DPYD: variants seen among roughly 807,000 people sequenced by gnomAD.
DPYD encodes the protein dihydropyrimidine dehydrogenase.
DPYD carries 109 observed loss-of-function variants against 116.2 expected under a neutral mutation model. That is an observed-to-expected ratio of 0.94 (90% CI 0.80 to 1.10). The LOEUF (loss-of-function observed/expected upper bound fraction) is 1.10, where lower values mean the gene tolerates loss of function less well. Among genes scored for constraint, DPYD ranks in the 50% least tolerant of loss-of-function variants. The pLI is 0.00. For missense variants in DPYD, 1,302 were observed against 1,254.5 expected (o/e 1.04, Z -0.57); for synonymous variants, 440 against 432.0 (o/e 1.02, Z -0.23).
chr1:97,249,696 T>A (rs566666220), intron 18 of DPYD, among the ~76,000 whole-genome samples: 4 of 152,180 alleles, frequency 2.6e-5, no homozygotes, highest in African/African-American at 9.6e-5. Flanking sequence ...ACACATATAT[T>A]TTAAAACGAA....
chr1:97,468,167 C>A (rs1214062237), intron 13 of DPYD, among the ~76,000 whole-genome samples: 1 of 152,170 alleles, frequency 6.6e-6, no homozygotes, highest in Non-Finnish European at 1.5e-5. Flanking sequence ...AATTTGACTT[C>A]CATATGTATA....
At chr1:97,611,890 C>T (rs1655974411) in intron 8 of DPYD, among the ~76,000 whole-genome samples, 3 of 152,092 alleles carry the variant, frequency 2.0e-5, no homozygotes, top group South Asian at 2.1e-4. Context: ...TGTAGTAAAA[C>T]GTATTCTGAT....
At chr1:97,467,005 A>G (rs945717572) in intron 13 of DPYD, among the ~76,000 whole-genome samples, 1 of 152,190 alleles carries the variant, frequency 6.6e-6, no homozygotes, top group Admixed American at 6.5e-5. Context: ...TACAAGAAAA[A>G]TTCCAGGCAC....
chr1:97,334,463 A>AAAACAAAC (rs112876933), intron 16 of DPYD, among the ~76,000 whole-genome samples: 36,847 of 151,788 alleles, frequency 0.24, 4,754 homozygotes, highest in African/African-American at 0.33. Flanking sequence ...TCTACATTAA[A>AAAACAAAC]AAACAAACAA....
intron 3 of DPYD, among the ~76,000 whole-genome samples, chr1:97,752,651 T>G (rs185255602): frequency 6.6e-6 from 1 of 152,204 alleles, no homozygotes; most frequent in Non-Finnish European, 1.5e-5. Context: ...TTCCACATGC[T>G]CTTCCCTTTC....
chr1:97,717,527 T>C (rs1662681150), intron 5 of DPYD, among the ~76,000 whole-genome samples: 1 of 152,006 alleles, frequency 6.6e-6, no homozygotes, highest in African/African-American at 2.4e-5. Context: ...TCTGAGACTT[T>C]GGTGCACCCA....
intron 18 of DPYD, among the ~76,000 whole-genome samples, 194 bp from the exon 19 acceptor site, chr1:97,235,188 GTTTA>G (rs952558792): frequency 2.0e-5 from 3 of 152,194 alleles, no homozygotes; most frequent in Non-Finnish European, 4.4e-5. Context: ...GTTAATGGAT[GTTTA>G]TTTATTTTAA....
chr1:97,142,659 T>A (rs972988250), intron 20 of DPYD, among the ~76,000 whole-genome samples: 1 of 152,120 alleles, frequency 6.6e-6, no homozygotes, highest in African/African-American at 2.4e-5. Context: ...TCTGTTATTT[T>A]TTTTTACAGA....
intron 3 of DPYD, among the ~76,000 whole-genome samples, chr1:97,804,799 T>C (rs1413963116): frequency 1.3e-5 from 2 of 151,892 alleles, no homozygotes; most frequent in Non-Finnish European, 2.9e-5. Flanking sequence ...TGTAAACCTA[T>C]TCTTTTGAGC....
intron 3 of DPYD, among the ~76,000 whole-genome samples, chr1:97,789,058 A>C (rs144368142): frequency 0.018 from 2,698 of 152,156 alleles, 93 homozygotes; most frequent in African/African-American, 0.061. Flanking sequence ...CCGCCCACCT[A>C]GGCTTCCCAA....
chr1:97,447,595 A>AT (rs921294361), intron 14 of DPYD, among the ~76,000 whole-genome samples: 24 of 152,284 alleles, frequency 1.6e-4, no homozygotes, highest in African/African-American at 4.1e-4. Flanking sequence ...AAAAGTATGC[A>AT]TTTTTTTCTC....
At chr1:97,136,821 A>C (rs1325333842) in intron 20 of DPYD, among the ~76,000 whole-genome samples, 1 of 152,228 alleles carries the variant, frequency 6.6e-6, no homozygotes, top group Non-Finnish European at 1.5e-5. Context: ...CTTCTGAGCC[A>C]AAATCAGCTA....
chr1:97,760,742 A>C (rs146869182), intron 3 of DPYD, among the ~76,000 whole-genome samples: 184 of 152,212 alleles, frequency 1.2e-3, no homozygotes, highest in African/African-American at 4.2e-3. Flanking sequence ...CAGGGTAGCA[A>C]GCATAACTGA....
At chr1:97,440,961 G>A (rs2101760404) in intron 14 of DPYD, among the ~76,000 whole-genome samples, 1 of 152,202 alleles carries the variant, frequency 6.6e-6, no homozygotes. Flanking sequence ...TTGAAATCTA[G>A]GTTAATATTC....
chr1:97,883,532 T>C (rs969898341), intron 1 of DPYD, among the ~76,000 whole-genome samples, 158 bp from the exon 2 acceptor site: 4 of 152,060 alleles, frequency 2.6e-5, no homozygotes, highest in Non-Finnish European at 5.9e-5. Context: ...CTGCAACCTC[T>C]GCCTTCCAGG....
intron 3 of DPYD, among the ~76,000 whole-genome samples, chr1:97,779,967 T>C (rs2101204383): frequency 6.6e-6 from 1 of 152,312 alleles, no homozygotes; most frequent in South Asian, 2.1e-4. Context: ...ATCTAATATT[T>C]ATTGGGTGCC....
At chr1:97,678,715 G>A (rs549333446) in intron 8 of DPYD, among the ~76,000 whole-genome samples, 3 of 152,214 alleles carry the variant, frequency 2.0e-5, no homozygotes, top group Non-Finnish European at 2.9e-5. Context: ...CAAAGGGAAC[G>A]AGCCAACTCC....
In DPYD at chr1:97,396,021, G is replaced by C. The variant is rs1012647537; in HGVS notation, c.1906-13560C>G. Among the ~76,000 whole-genome samples, 16 of 151,936 alleles carry C rather than the reference G, an allele frequency of 1.1e-4. 1 individual carries two copies. Among genetic ancestry groups the C allele is most frequent in the Admixed American group, 1.1e-3 (16 of 15,224 alleles). ...GCAAATTGCTAACATCCTGAATCAA[G>C]AACTAAATTAATAATTGTTTCAATC... On this transcript the variant is annotated intron_variant, in intron 14 of 22. Coordinates refer to ENST00000370192, the MANE Select transcript of DPYD (RefSeq NM_000110.4).
intron 19 of DPYD, among the ~76,000 whole-genome samples, chr1:97,194,009 T>G (rs1324271658): frequency 6.6e-6 from 1 of 152,196 alleles, no homozygotes; most frequent in Non-Finnish European, 1.5e-5. Context: ...GCATTATTAT[T>G]TAGTTGACAA....
Sources: gnomAD v4.1 joint callset for allele counts (sites outside exome capture counted in the v4.1 genomes callset) on GRCh38, gnomAD v4.1.1 for gene constraint, MANE v1.5 for transcripts, NCBI Gene and HGNC (gene_info 2026-07-23, HGNC 2026-07-21) for gene names.